GAMT: variants seen among roughly 807,000 people sequenced by gnomAD.
GAMT encodes guanidinoacetate N-methyltransferase, also known as epididymis secretory protein Li 20.
GAMT carries 26 observed loss-of-function variants against 26.9 expected under a neutral mutation model. The ratio of observed to expected loss-of-function variants is 0.97; its 90% CI spans 0.71 to 1.34. GAMT has a LOEUF of 1.34. Ranked by LOEUF, GAMT falls within the 40% of genes most tolerant of loss-of-function variation. The pLI is 0.00. For synonymous variants in GAMT, 169 were observed against 149.6 expected (o/e 1.13, Z -0.95); for missense variants, 412 against 345.0 (o/e 1.19, Z -1.54).
At chr19:1,398,736 T>TCCTGGCAGCCACTGCG (rs1432957370) in intron 5 of GAMT, 180 bp downstream of exon 5, 1 of 1,544,710 alleles carries the variant, frequency 6.5e-7, no homozygotes, top group Non-Finnish European at 8.7e-7. Flanking sequence ...GAGCCACTGC[T>TCCTGGCAGCCACTGCG]CCTGGCAGCC....
Position 1,400,779 on chromosome 19 carries a change from G to A in GAMT, c.181+517C>T, listed in dbSNP as rs555531719. 5.3e-5 allele frequency among the ~76,000 whole-genome samples: 8 copies of A among 152,314 alleles called. No homozygotes were observed. In the South Asian group the frequency reaches 1.7e-3, roughly 32 times the overall value. On this transcript the variant is annotated intron_variant, in intron 1 of 5. Coordinates refer to ENST00000252288, the MANE Select transcript of GAMT (RefSeq NM_000156.6). Reference sequence around the variant, plus strand: ...AACACTGAGGCCCGACCCCTGGACGGGGCCTGTGTGGGGCCAGGGAGTCCT... The same window carrying A: ...AACACTGAGGCCCGACCCCTGGACGAGGCCTGTGTGGGGCCAGGGAGTCCT...
At chr19:1,400,078 G>C in intron 1 of GAMT, 140 bp from the exon 2 acceptor site, 1 of 1,002,656 alleles carries the variant, frequency 1.0e-6, no homozygotes, top group Non-Finnish European at 1.5e-6. Context: ...TCTGCCTGGA[G>C]GGGGGCGTGC....
rs758475163 is a variant in GAMT, at chr19:1,397,906, C to T, written c.571-407G>A. The T allele has an allele frequency of 4.3e-4, 483 of 1,119,198 alleles. 1 individual carries two copies. The highest frequency in any genetic ancestry group is 5.1e-4 in the Non-Finnish European group (459 of 906,722). 69.3% of individuals were successfully genotyped at this position (1,119,198 alleles called of 1,614,324 possible). A position where few individuals can be genotyped will look rare whatever the true frequency, so the allele number is the denominator to read the frequency against. ...TCACAACAGCAGCCCAGGGCAACCA[C>T]ATAGAGCCCTTCTCAGATAGGCCGC... On this transcript the variant is annotated intron_variant, in intron 5 of 5. Coordinates refer to ENST00000252288, the MANE Select transcript of GAMT (RefSeq NM_000156.6).
At chr19:1,400,432 G>A (rs2082627399) in intron 1 of GAMT, among the ~76,000 whole-genome samples, 1 of 152,178 alleles carries the variant, frequency 6.6e-6, no homozygotes, top group Admixed American at 6.5e-5. Context: ...AACAGCGTGG[G>A]CCCTGGCCAG....
In GAMT at chr19:1,399,317, TC is replaced by T; in HGVS notation, c.392-123del. ...ACGGGGCCGTGGGTAGAGGTGGGGCTCCCACACAGGCTTGAGAACCCCGAGA... is the reference window on the plus strand; with the variant it reads ...ACGGGGCCGTGGGTAGAGGTGGGGCTCCACACAGGCTTGAGAACCCCGAGA... On this transcript the variant is annotated intron_variant, in intron 3 of 5. Transcript: ENST00000252288. The surrounding 1 kb of genome is among the most constrained non-coding windows in gnomAD (Gnocchi z 6.2). 1 of 1,198,418 alleles carries T rather than the reference TC, an allele frequency of 8.3e-7. No homozygotes were observed. The highest frequency in any genetic ancestry group is 1.2e-6 in the Non-Finnish European group (1 of 813,944). 74.2% of individuals were successfully genotyped at this position (1,198,418 alleles called of 1,614,324 possible).
At position 1,397,471 on chromosome 19, in the gene GAMT, G is replaced by C; in HGVS notation, c.599C>G (p.Ala200Gly). ...EETQVPALLE[A>G]GFRRENIRTE... ...ACGGATGTTCTCCCTCCGGAAGCCG[G>C]CCTCCAGCAGCGCGGGCACCTGCGT... is the stretch of plus-strand genomic sequence containing the variant. The change falls in exon 6 of 6, where the codon GCC becomes GGC. Residue 200 changes from alanine (A) to glycine (G), a missense_variant. By Grantham distance (60) the Ala-to-Gly change is moderately conservative. Transcript: ENST00000252288. 1 of 1,607,302 alleles carries C rather than the reference G, an allele frequency of 6.2e-7. No individual in the cohort carries two copies. Among genetic ancestry groups the C allele is most frequent in the Non-Finnish European group, 8.5e-7 (1 of 1,179,856 alleles).
chr19:1,398,242 C>T (rs961156280), intron 5 of GAMT: 13 of 238,396 alleles, frequency 5.5e-5, no homozygotes, highest in South Asian at 1.4e-4. Context: ...GAATTACAGG[C>T]GCCCGCCACC....
chr19:1,400,827 G>A (rs1005460260), intron 1 of GAMT, among the ~76,000 whole-genome samples: 3 of 152,216 alleles, frequency 2.0e-5, no homozygotes, highest in African/African-American at 4.8e-5. Context: ...CTTAGCGTCT[G>A]ACGCCAGGCA....
At position 1,399,856 on chromosome 19, in the gene GAMT, G is replaced by A. The variant is rs1159213306; in HGVS notation, c.264C>T (p.Ile88=). The change falls in exon 2 of 6, where the codon ATC becomes ATT. Residue 88 remains isoleucine (I), a synonymous_variant. Coordinates refer to ENST00000252288, the MANE Select transcript of GAMT (RefSeq NM_000156.6). This position sits in a 1 kb window ranked among gnomAD's most constrained non-coding sequence, Gnocchi z 6.2. ...VQEAPIDEHW[I]IECNDGVFQR... is the part of the protein sequence containing the mutation. ...GGAAGACGCCGTCATTGCACTCGAT[G>A]ATCCAATGCTCATCAATGGGCGCCT... 2 of 1,601,494 alleles carry A rather than the reference G, an allele frequency of 1.2e-6. No individual in the cohort carries two copies. Among genetic ancestry groups the A allele is most frequent in the Admixed American group, 1.7e-5 (1 of 58,520 alleles).
intron 5 of GAMT, chr19:1,398,453 T>G (rs566712320): frequency 9.5e-6 from 4 of 419,312 alleles, no homozygotes; most frequent in African/African-American, 4.1e-5. Flanking sequence ...TCTTTTTTCT[T>G]GAGACAGGGT....
At chr19:1,398,159 G>GCAATCT in intron 5 of GAMT, 1 of 871,364 alleles carries the variant, frequency 1.1e-6, no homozygotes, top group Non-Finnish European at 1.4e-6. Context: ...GTACAACGGT[G>GCAATCT]CAATCTCGGC....
intron 1 of GAMT, among the ~76,000 whole-genome samples, chr19:1,400,480 A>G (rs1175709882): frequency 5.3e-5 from 8 of 152,064 alleles, no homozygotes; most frequent in Admixed American, 5.2e-4. Flanking sequence ...GAGGCCGAAG[A>G]CGGCCGCTTT....
In GAMT at chr19:1,399,002, G is replaced by A. The variant is rs1727242337; in HGVS notation, c.484C>T (p.Pro162Ser). Residue 162 changes from proline (P) to serine (S), a missense_variant, in exon 5 of 6, where the codon CCG (proline) becomes TCG (serine). Transcript: ENST00000252288. The surrounding 1 kb of genome is among the most constrained non-coding windows in gnomAD (Gnocchi z 6.2). ...IKNHAFRLLKPGGVLTYCNLT... is the reference protein window; with the variant it reads ...IKNHAFRLLKSGGVLTYCNLT... ...TTGCAGTAGGTGAGGACGCCCCCCG[G>A]CTTCAGCAGGCGAAAGGCGTGGTTC... is the stretch of plus-strand genomic sequence containing the variant. 2 of 1,613,468 alleles carry A rather than the reference G, an allele frequency of 1.2e-6. No homozygotes were observed. Among genetic ancestry groups the A allele is most frequent in the African/African-American group, 1.3e-5 (1 of 75,032 alleles).
chr19:1,397,786 G>A, intron 5 of GAMT: 1 of 1,331,340 alleles, frequency 7.5e-7, no homozygotes, highest in East Asian at 3.1e-5. Flanking sequence ...TGTGGCGGGT[G>A]GAGCCAAAGA....
Position 1,399,705 on chromosome 19 carries a change from C to G in GAMT, c.327+88G>C. On this transcript the variant is annotated intron_variant, in intron 2 of 5. Transcript: ENST00000252288. This position sits in a 1 kb window ranked among gnomAD's most constrained non-coding sequence, Gnocchi z 6.2. ...AGAGAGAAGACCACCTCCTCCACCT[C>G]TGACAGCCCCAGGCCCCCAACCCCC... 1 of 1,528,224 alleles carries G rather than the reference C, an allele frequency of 6.5e-7. No homozygotes were observed. The highest frequency in any genetic ancestry group is 8.8e-7 in the Non-Finnish European group (1 of 1,136,904). 94.7% of individuals were successfully genotyped at this position (1,528,224 alleles called of 1,614,324 possible).
intron 5 of GAMT, 173 bp from the exon 6 acceptor site, chr19:1,397,672 C>T (rs1369206812): frequency 3.6e-6 from 5 of 1,382,098 alleles, no homozygotes; most frequent in Admixed American, 4.6e-5. Context: ...CGGGAATCTC[C>T]AGCTCCCCAG....
At chr19:1,400,033 T>G in intron 1 of GAMT, 95 bp from the exon 2 acceptor site, 3 of 1,381,288 alleles carry the variant, frequency 2.2e-6, no homozygotes, top group Non-Finnish European at 9.7e-7. Flanking sequence ...CTGGGGAGAC[T>G]GCCTGGAGGA....
rs1052306369 is a variant in GAMT, at chr19:1,399,436, T to C, written c.391+88A>G. ...ACCCACTTGGGCTCTGTCCCCCCAG[T>C]GCACATCAGAGGGACCCCCACAAGC... On this transcript the variant is annotated intron_variant, in intron 3 of 5. Coordinates refer to ENST00000252288, the MANE Select transcript of GAMT (RefSeq NM_000156.6). This position sits in a 1 kb window ranked among gnomAD's most constrained non-coding sequence, Gnocchi z 6.2. 7.8e-7 allele frequency: 1 copy of C among 1,280,186 alleles called. No homozygotes were observed. The highest frequency in any genetic ancestry group is 1.1e-6 in the Non-Finnish European group (1 of 904,618). The allele number at this position is 1,280,186 out of a possible 1,614,324, so 79.3% of individuals were successfully genotyped here. A position where few individuals can be genotyped will look rare whatever the true frequency, so the allele number is the denominator to read the frequency against.
chr19:1,401,209 G>A, intron 1 of GAMT, 87 bp downstream of exon 1: 1 of 1,135,922 alleles, frequency 8.8e-7, no homozygotes, highest in South Asian at 2.5e-5. Flanking sequence ...CGGCGGGAGG[G>A]TGGGCTGCAG....
Sources: gnomAD v4.1 joint callset for allele counts (sites outside exome capture counted in the v4.1 genomes callset) on GRCh38, gnomAD v4.1.1 for gene constraint, Gnocchi (gnomAD v3.1) non-coding constraint, MANE v1.5 for transcripts, NCBI Gene and HGNC (gene_info 2026-07-23, HGNC 2026-07-21) for gene names.